The following GPATCH8 variants were observed in gnomAD, a reference collection of about 807,000 sequenced individuals.
The protein encoded by GPATCH8 is G-patch domain containing 8.
GPATCH8 carries 18 observed loss-of-function variants against 118.3 expected under a neutral mutation model. That is an observed-to-expected ratio of 0.15 (90% CI 0.11 to 0.23). The LOEUF is 0.23. GPATCH8 is among the 10% of genes least tolerant of loss of function. The pLI is 1.00. For missense variants in GPATCH8, 1,631 were observed against 1,873.8 expected (o/e 0.87, Z 2.39); for synonymous variants, 659 against 684.7 (o/e 0.96, Z 0.59).
Position 44,397,954 on chromosome 17 carries a change from C to G in GPATCH8, c.4123G>C (p.Val1375Leu). ...ATASATSITT[V>L]QHAILQHHAA... ...TGATGTTGTAGGATGGCATGCTGAACAGTTGTGATGGAGGTGGCAGAGGCT... is the reference window on the plus strand; with the variant it reads ...TGATGTTGTAGGATGGCATGCTGAAGAGTTGTGATGGAGGTGGCAGAGGCT... Residue 1375 changes from valine (V) to leucine (L), a missense_variant, in exon 8 of 8, where the codon GTT becomes CTT. Val to Leu is a conservative substitution (Grantham distance 32, BLOSUM62 1). Coordinates refer to ENST00000591680, the MANE Select transcript of GPATCH8 (RefSeq NM_001002909.4). 1 of 1,613,962 alleles carries G rather than the reference C, an allele frequency of 6.2e-7. No individual in the cohort carries two copies. The highest frequency in any genetic ancestry group is 1.1e-5 in the South Asian group (1 of 91,072).
At chr17:44,439,557 G>C (rs887422327) in intron 3 of GPATCH8, among the ~76,000 whole-genome samples, 8 of 152,008 alleles carry the variant, frequency 5.3e-5, no homozygotes. Flanking sequence ...TATAGACCAA[G>C]GAAAGATCCC....
intron 1 of GPATCH8, chr17:44,486,284 G>C (rs1360380554): frequency 6.6e-6 from 1 of 151,598 alleles, no homozygotes. Context: ...TTCTTTAACA[G>C]CCTGTGTTGC....
At position 44,452,871 on chromosome 17, in the gene GPATCH8, C is replaced by T. The variant is rs963141801; in HGVS notation, c.193+11601G>A. ...ATAGGGTCTTACTTTGTCACTCAGG[C>T]TGGAGTGCAGTGGCATGATCTCAGC... On this transcript the variant is annotated intron_variant, in intron 3 of 7. Coordinates refer to ENST00000591680, the MANE Select transcript of GPATCH8 (RefSeq NM_001002909.4). 2.0e-5 allele frequency among the ~76,000 whole-genome samples: 3 copies of T among 151,360 alleles called. No homozygotes were observed. In the South Asian group the frequency reaches 6.2e-4, roughly 31 times the overall value.
chr17:44,419,409 A>G (rs940614455), intron 6 of GPATCH8, among the ~76,000 whole-genome samples: 8 of 152,218 alleles, frequency 5.3e-5, no homozygotes, highest in Non-Finnish European at 1.2e-4. Context: ...TCAAAGAGGA[A>G]TGAAAAATAT....
At chr17:44,501,586 G>A (rs975537765) in intron 1 of GPATCH8, among the ~76,000 whole-genome samples, 2 of 152,078 alleles carry the variant, frequency 1.3e-5, no homozygotes, top group Non-Finnish European at 2.9e-5. Context: ...ATCTTACTTG[G>A]AAACTGAGTA....
At chr17:44,426,596 C>T (rs1363694260) in intron 5 of GPATCH8, among the ~76,000 whole-genome samples, 1 of 101,064 alleles carries the variant, frequency 9.9e-6, no homozygotes, top group Non-Finnish European at 1.9e-5. Flanking sequence ...AGAGTGAGAC[C>T]TTGTCTCAAA....
chr17:44,500,627 A>C (rs979885330), intron 1 of GPATCH8, among the ~76,000 whole-genome samples: 1 of 152,252 alleles, frequency 6.6e-6, no homozygotes, highest in Non-Finnish European at 1.5e-5. Flanking sequence ...TAAAGAGTGA[A>C]GTTCTACAAC....
intron 7 of GPATCH8, among the ~76,000 whole-genome samples, chr17:44,401,969 A>G (rs970406608): frequency 4.7e-5 from 7 of 150,386 alleles, no homozygotes; most frequent in African/African-American, 1.7e-4. Context: ...ACGCCACTGC[A>G]CTCCAGTCTG....
Position 44,398,001 on chromosome 17 carries a change from A to G in GPATCH8, c.4076T>C (p.Ile1359Thr). The G allele has an allele frequency of 6.2e-7, 1 of 1,613,838 alleles. No homozygotes were observed. The highest frequency in any genetic ancestry group is 8.5e-7 in the Non-Finnish European group (1 of 1,179,912). ...LAPATPALQPIHIQQPATASA... is the reference protein window; with the variant it reads ...LAPATPALQPTHIQQPATASA... ...GGCTGTAGCTGGCTGCTGAATGTGG[A>G]TGGGTTGCAGGGCTGGTGTGGCTGG... The change falls in exon 8 of 8, where the codon ATC (isoleucine) becomes ACC (threonine). Residue 1359 changes from isoleucine to threonine, a missense_variant. Ile to Thr is a moderately conservative substitution (Grantham distance 89). Coordinates refer to ENST00000591680, the MANE Select transcript of GPATCH8 (RefSeq NM_001002909.4).
At chr17:44,431,168 C>T (rs1457832481) in intron 5 of GPATCH8, among the ~76,000 whole-genome samples, 9 of 150,948 alleles carry the variant, frequency 6.0e-5, no homozygotes, top group African/African-American at 2.2e-4. Flanking sequence ...GTCAGGAGTT[C>T]TAGACCAGCC....
chr17:44,466,916 CT>C lies in GPATCH8; in HGVS notation c.121-2373del, dbSNP rs879359696. ...TGACAAAAATTGTTGCTCCCCCCCC[CT>C]CCATTTTGTTGTTGTTGTTGTTGTT... is the stretch of plus-strand genomic sequence containing the variant. On this transcript the variant is annotated intron_variant, in intron 2 of 7. Coordinates refer to ENST00000591680, the MANE Select transcript of GPATCH8 (RefSeq NM_001002909.4). 1.5e-3 allele frequency among the ~76,000 whole-genome samples: 227 copies of C among 152,158 alleles called. 3 individuals carry two copies. The highest frequency in any genetic ancestry group is 6.8e-3 in the Middle Eastern group (2 of 294).
chr17:44,401,540 C>A, intron 7 of GPATCH8, 87 bp from the exon 8 acceptor site: 1 of 875,460 alleles, frequency 1.1e-6, no homozygotes, highest in Non-Finnish European at 2.0e-6. Flanking sequence ...TCTCTTATAT[C>A]CTATCATTCA....
chr17:44,466,194 G>A (rs1424570091), intron 2 of GPATCH8, among the ~76,000 whole-genome samples: 1 of 151,884 alleles, frequency 6.6e-6, no homozygotes, highest in African/African-American at 2.4e-5. Context: ...TTTTTGTAGA[G>A]ATGAGGTTTC....
chr17:44,431,217 C>T (rs2050299994), intron 5 of GPATCH8, among the ~76,000 whole-genome samples: 2 of 150,392 alleles, frequency 1.3e-5, no homozygotes. Context: ...CTAAAAATAC[C>T]AAAATAATTC....
Position 44,398,963 on chromosome 17 carries a change from ATAG to A in GPATCH8, c.3111_3113del (p.Tyr1038del), listed in dbSNP as rs763433165. The A allele has an allele frequency of 3.7e-6, 6 of 1,614,078 alleles. No homozygotes were observed. The African/African-American group carries it at 8.0e-5, about 22-fold the overall frequency. On this transcript the variant is annotated inframe_deletion, in exon 8 of 8. Coordinates refer to ENST00000591680, the MANE Select transcript of GPATCH8 (RefSeq NM_001002909.4). ...GACCTTCTCCCCGGCCTGATCGGAA[ATAG>A]TGGGGGGACTGGGAGCGGTAGATCT...
intron 3 of GPATCH8, among the ~76,000 whole-genome samples, chr17:44,451,997 G>A (rs529567925): frequency 3.3e-5 from 5 of 152,030 alleles, no homozygotes; most frequent in African/African-American, 4.8e-5. Context: ...CAGGCTGGGC[G>A]TGGTGGCTTA....
At chr17:44,410,501 T>C (rs1312038733) in intron 6 of GPATCH8, among the ~76,000 whole-genome samples, 3 of 152,212 alleles carry the variant, frequency 2.0e-5, no homozygotes, top group Non-Finnish European at 2.9e-5. Context: ...TCAAAAGCTA[T>C]GAGATGTCCT....
intron 5 of GPATCH8, among the ~76,000 whole-genome samples, chr17:44,425,658 A>G (rs1343177068): frequency 6.6e-6 from 1 of 151,952 alleles, no homozygotes; most frequent in Non-Finnish European, 1.5e-5. Context: ...CCTCCCAAGT[A>G]TCTTGGACTA....
chr17:44,475,394 A>G (rs573374848), intron 1 of GPATCH8, among the ~76,000 whole-genome samples: 2 of 149,108 alleles, frequency 1.3e-5, no homozygotes, highest in Admixed American at 6.7e-5. Flanking sequence ...AAGAAAAAAA[A>G]AAAAAGAAAA....
Sources: gnomAD v4.1 joint callset for allele counts (sites outside exome capture counted in the v4.1 genomes callset) on GRCh38, gnomAD v4.1.1 for gene constraint, MANE v1.5 for transcripts, NCBI Gene and HGNC (gene_info 2026-07-23, HGNC 2026-07-21) for gene names.